NRG2: variants seen among roughly 807,000 people sequenced by gnomAD.
NRG2 encodes pro-neuregulin-2, membrane-bound isoform.
Under a neutral mutation model 73.9 loss-of-function variants are expected in NRG2, and 27 were observed. The ratio of observed to expected loss-of-function variants is 0.37; its 90% CI spans 0.27 to 0.50. The LOEUF (loss-of-function observed/expected upper bound fraction) is 0.50. NRG2 is among the 20% of genes least tolerant of loss of function. The pLI is 0.96. For missense variants in NRG2, 1,126 were observed against 1,210.1 expected, an observed-to-expected ratio of 0.93 and a Z score of 1.03; for synonymous variants, 532 against 541.0, an observed-to-expected ratio of 0.98 and a Z score of 0.23.
intron 5 of NRG2, among the ~76,000 whole-genome samples, chr5:139,864,565 G>A (rs1206626179): frequency 2.7e-5 from 4 of 150,542 alleles, no homozygotes; most frequent in Admixed American, 6.6e-5. Flanking sequence ...ACCAACCCCC[G>A]CCCCCTCTCC....
intron 9 of NRG2, 61 bp from the exon 10 acceptor site, chr5:139,848,758 G>GCA: frequency 4.2e-6 from 3 of 718,196 alleles, no homozygotes; most frequent in African/African-American, 2.1e-5. Context: ...GGGAGGGGGG[G>GCA]TTGGGGGTGG....
intron 1 of NRG2, among the ~76,000 whole-genome samples, chr5:140,003,661 G>A (rs1480552319): frequency 1.3e-5 from 2 of 152,128 alleles, no homozygotes; most frequent in East Asian, 3.9e-4. Flanking sequence ...TAATGAATCT[G>A]GGTTGCTTTA....
intron 1 of NRG2, among the ~76,000 whole-genome samples, chr5:139,942,803 T>C (rs1046072972): frequency 1.3e-5 from 2 of 152,254 alleles, no homozygotes; most frequent in African/African-American, 2.4e-5. Context: ...TGCTAACAAA[T>C]GAGCCACTTG....
At chr5:139,896,967 C>T (rs534765356) in intron 1 of NRG2, among the ~76,000 whole-genome samples, 3 of 152,322 alleles carry the variant, frequency 2.0e-5, no homozygotes, top group African/African-American at 7.2e-5. Context: ...AGTGAATGGG[C>T]TTCCTTCCCA....
At chr5:139,897,832 T>C (rs1435252365) in intron 1 of NRG2, among the ~76,000 whole-genome samples, 2 of 152,176 alleles carry the variant, frequency 1.3e-5, no homozygotes, top group Non-Finnish European at 2.9e-5. Flanking sequence ...GCAGAGCAGA[T>C]AATGAAGTCG....
chr5:140,028,277 A>G (rs1760858251), intron 1 of NRG2, among the ~76,000 whole-genome samples: 1 of 152,152 alleles, frequency 6.6e-6, no homozygotes, highest in Non-Finnish European at 1.5e-5. Context: ...GTATTTAGGA[A>G]CTCTGTACTA....
intron 9 of NRG2, among the ~76,000 whole-genome samples, chr5:139,849,021 T>G (rs1006059809): frequency 1.2e-4 from 18 of 152,294 alleles, no homozygotes; most frequent in Admixed American, 5.9e-4. Context: ...GGTCACTTGC[T>G]GTGGGAATGC....
intron 1 of NRG2, among the ~76,000 whole-genome samples, chr5:140,033,300 TCTC>T (rs1340219586): frequency 1.3e-5 from 2 of 152,076 alleles, no homozygotes; most frequent in East Asian, 1.9e-4. Flanking sequence ...TTCAGCAACT[TCTC>T]CTGACAACAG....
rs1761552200 is a variant in NRG2 at position 139,852,919 on chromosome 5, C to G, written c.1401G>C (p.Glu467Asp). Reference sequence around the variant, plus strand: ...AGCCACTCACATCTGCCATCTGGATCTCCTCTGGGTCCAGCCGGGGGTGGC... The same window carrying G: ...AGCCACTCACATCTGCCATCTGGATGTCCTCTGGGTCCAGCCGGGGGTGGC... ...GPSHPRLDPE[E>D]IQMADYISKN... Residue 467 changes from glutamate to aspartate, a missense_variant, in exon 7 of 10, where the codon GAG becomes GAC. Coordinates refer to ENST00000361474, the MANE Select transcript of NRG2 (RefSeq NM_004883.3). The surrounding 1 kb of genome is among the most constrained non-coding windows in gnomAD (Gnocchi z 4.4). 1 of 1,613,048 alleles carries G rather than the reference C, an allele frequency of 6.2e-7. No individual in the cohort carries two copies. The highest frequency in any genetic ancestry group is 8.5e-7 in the Non-Finnish European group (1 of 1,179,668).
chr5:140,007,666 G>A (rs1759017056), intron 1 of NRG2, among the ~76,000 whole-genome samples: 3 of 152,302 alleles, frequency 2.0e-5, no homozygotes, highest in Middle Eastern at 6.8e-3. Context: ...GGAGAAAAAG[G>A]AAGAGCTCCA....
chr5:139,898,300 A>C (rs1399208523), intron 1 of NRG2, among the ~76,000 whole-genome samples: 2 of 152,254 alleles, frequency 1.3e-5, no homozygotes, highest in African/African-American at 4.8e-5. Flanking sequence ...AGAGGAATCC[A>C]TCTGCACCGC....
At chr5:139,943,350 G>A (rs1220385965) in intron 1 of NRG2, among the ~76,000 whole-genome samples, 1 of 151,608 alleles carries the variant, frequency 6.6e-6, no homozygotes, top group Non-Finnish European at 1.5e-5. Context: ...GGGTTTCACT[G>A]TATTAGCCAG....
intron 1 of NRG2, among the ~76,000 whole-genome samples, chr5:139,946,215 C>A (rs1001428239): frequency 2.0e-5 from 3 of 152,004 alleles, no homozygotes; most frequent in Non-Finnish European, 4.4e-5. Context: ...TCAAAACTTA[C>A]TATAAGCCAC....
intron 3 of NRG2, 132 bp downstream of exon 3, chr5:139,880,724 T>G: frequency 4.6e-6 from 3 of 647,054 alleles, no homozygotes; most frequent in African/African-American, 1.8e-5. Flanking sequence ...ATCTAGGGCT[T>G]GATATGGCAG....
chr5:139,920,428 G>T (rs935091320), intron 1 of NRG2, among the ~76,000 whole-genome samples: 1 of 152,200 alleles, frequency 6.6e-6, no homozygotes, highest in Non-Finnish European at 1.5e-5. Flanking sequence ...AAGTACTGGG[G>T]ATCTGGTAAC....
intron 1 of NRG2, among the ~76,000 whole-genome samples, chr5:139,975,371 GC>G (rs947610207): frequency 2.5e-4 from 38 of 152,310 alleles, no homozygotes; most frequent in African/African-American, 8.9e-4. Context: ...ACAGGAACCG[GC>G]CCCGCAGTGT....
At position 139,848,037 on chromosome 5, in the gene NRG2, T is replaced by G; in HGVS notation, c.2433A>C (p.Pro811=). 6.6e-7 allele frequency: 1 copy of G among 1,508,280 alleles called. No homozygotes were observed. Among genetic ancestry groups the G allele is most frequent in the Non-Finnish European group, 8.8e-7 (1 of 1,134,100 alleles). The allele number at this position is 1,508,280 out of a possible 1,614,324, so 93.4% of individuals were successfully genotyped here. A position where few individuals can be genotyped will look rare whatever the true frequency, so the allele number is the denominator to read the frequency against. ...TCCTGCTGTCGGCCGCCGGGCACAG[T>G]GGCGGCGAGTCCGAGCGCAGCGCGT... ...AHDALRSDSP[P]LCPAADSRTY... is the part of the protein sequence containing the mutation. The change falls in exon 10 of 10, where the codon CCA becomes CCC. Residue 811 remains proline (P), a synonymous_variant. Coordinates refer to ENST00000361474, the MANE Select transcript of NRG2 (RefSeq NM_004883.3).
Position 139,853,460 on chromosome 5 carries a change from A to C in NRG2, c.1293-433T>G, listed in dbSNP as rs1162860944. On this transcript the variant is annotated intron_variant, in intron 6 of 9. Coordinates refer to ENST00000361474, the MANE Select transcript of NRG2 (RefSeq NM_004883.3). The surrounding 1 kb of genome is among the most constrained non-coding windows in gnomAD (Gnocchi z 4.1). ...ATTGAGTTATCACTATGTGCCAGAC[A>C]CTGTTTTGGAGCAGAGACAATAGAT... 1.3e-5 allele frequency among the ~76,000 whole-genome samples: 2 copies of C among 152,158 alleles called. No homozygotes were observed. The highest frequency in any genetic ancestry group is 6.5e-5 in the Admixed American group (1 of 15,280).
chr5:139,992,074 A>T (rs2126596479), intron 1 of NRG2, among the ~76,000 whole-genome samples: 1 of 152,330 alleles, frequency 6.6e-6, no homozygotes, highest in South Asian at 2.1e-4. Flanking sequence ...ATAGGGTAGA[A>T]TTGGAGAATT....
Sources: allele counts gnomAD v4.1 joint callset (sites outside exome capture counted in the v4.1 genomes callset), GRCh38; gene constraint gnomAD v4.1.1; non-coding constraint Gnocchi (gnomAD v3.1); transcripts MANE v1.5; gene names NCBI Gene and HGNC (gene_info 2026-07-23, HGNC 2026-07-21).